The following RELN variants were observed in gnomAD, a reference collection of about 807,000 sequenced individuals.
RELN encodes reelin.
A neutral mutation model predicts 427.6 loss-of-function variants in RELN; 108 were observed. The observed-to-expected ratio is 0.25, with a 90% CI of 0.22 to 0.30. The LOEUF is 0.30. RELN is among the 10% of genes least tolerant of loss of function. The pLI is 1.00. For synonymous variants in RELN, 1,524 were observed against 1,513.4 expected (o/e 1.01, Z -0.16); for missense variants, 3,715 against 4,302.8 (o/e 0.86, Z 3.82).
chr7:103,721,898 GT>G (rs934355751), intron 8 of RELN, among the ~76,000 whole-genome samples: 1 of 152,086 alleles, frequency 6.6e-6, no homozygotes, highest in African/African-American at 2.4e-5. Flanking sequence ...AAAAAAATTT[GT>G]TTTTGTAGCA....
intron 4 of RELN, among the ~76,000 whole-genome samples, chr7:103,760,433 C>T (rs1439961170): frequency 7.2e-5 from 11 of 152,064 alleles, no homozygotes; most frequent in Admixed American, 4.6e-4. Flanking sequence ...TTTCAACTGA[C>T]TTATTTTGGA....
intron 1 of RELN, among the ~76,000 whole-genome samples, chr7:103,952,692 C>T (rs1190327556): frequency 2.0e-5 from 3 of 151,964 alleles, no homozygotes; most frequent in Non-Finnish European, 2.9e-5. Context: ...AATATCTTTC[C>T]CATGTAAAGC....
chr7:103,557,010 T>C lies in RELN; in HGVS notation c.5764A>G (p.Thr1922Ala), dbSNP rs746083184. 6.8e-6 allele frequency: 11 copies of C among 1,613,666 alleles called. No individual in the cohort carries two copies. The highest frequency in any genetic ancestry group is 2.5e-6 in the Non-Finnish European group (3 of 1,179,664). The change falls in exon 38 of 65, where the codon ACA (threonine) becomes GCA (alanine). Residue 1922 changes from threonine (T) to alanine (A), a missense_variant. Coordinates refer to ENST00000428762, the MANE Select transcript of RELN (RefSeq NM_005045.4). The part of the protein sequence containing the change: ...PLPYTAQTNA[T>A]RFRLWQPYNN... ...TAAGGTTGCCAGAGTCTGAATCTTG[T>C]AGCATTGGTTTGGGCAGTGTATGGC...
intron 2 of RELN, among the ~76,000 whole-genome samples, chr7:103,916,203 T>C (rs10231405): frequency 0.25 from 38,408 of 152,040 alleles, 5,940 homozygotes; most frequent in African/African-American, 0.43. Context: ...TGCTGGGACT[T>C]GACACTTCAT....
intron 8 of RELN, among the ~76,000 whole-genome samples, chr7:103,707,727 G>C (rs1834236763): frequency 6.6e-6 from 1 of 152,056 alleles, no homozygotes; most frequent in African/African-American, 2.4e-5. Flanking sequence ...TCGATCTCTT[G>C]ACCTTGTGTT....
intron 47 of RELN, 86 bp downstream of exon 47, chr7:103,523,305 T>C: frequency 6.8e-7 from 1 of 1,472,152 alleles, no homozygotes; most frequent in South Asian, 1.1e-5. Flanking sequence ...AGCATGGGAG[T>C]GATTCAAAAA....
In RELN at chr7:103,676,023, C is replaced by A. The variant is rs559604834; in HGVS notation, c.1289+6093G>T. On this transcript the variant is annotated intron_variant, in intron 11 of 64. Transcript: ENST00000428762. ...ACACCAAAAGCAATGGCAACAAAAG[C>A]CAAAATTGACAAATGGGATCTAATT... 1.8e-4 allele frequency among the ~76,000 whole-genome samples: 28 copies of A among 152,096 alleles called. No homozygotes were observed. The South Asian group carries it at 5.4e-3, about 29-fold the overall frequency.
chr7:103,523,279 A>T (rs1829750544), intron 47 of RELN, 112 bp downstream of exon 47: 1 of 1,219,704 alleles, frequency 8.2e-7, no homozygotes, highest in Non-Finnish European at 1.2e-6. Context: ...TCAGAAAAAA[A>T]TGTATAACTT....
At chr7:103,595,487 A>G (rs1414949938) in intron 25 of RELN, among the ~76,000 whole-genome samples, 2 of 152,196 alleles carry the variant, frequency 1.3e-5, no homozygotes, top group African/African-American at 4.8e-5. Flanking sequence ...GTCACCTTTA[A>G]ATGACCTAAT....
rs565174296 is a variant in RELN at position 103,724,842 on chromosome 7, T to C, written c.754-1651A>G. Among the ~76,000 whole-genome samples, 19 of 151,890 alleles carry C rather than the reference T, an allele frequency of 1.3e-4. 1 individual carries two copies. Among genetic ancestry groups the C allele is most frequent in the African/African-American group, 4.6e-4 (19 of 41,460 alleles). Reference sequence around the variant, plus strand: ...AAAAAAAGAAGCACTGCCTATGAAATCTATTCTGAGATCTATTCACCTATA... The same window carrying C: ...AAAAAAAGAAGCACTGCCTATGAAACCTATTCTGAGATCTATTCACCTATA... On this transcript the variant is annotated intron_variant, in intron 7 of 64. Transcript: ENST00000428762.
intron 1 of RELN, among the ~76,000 whole-genome samples, chr7:103,943,865 A>AC (rs1160315724): frequency 2.0e-5 from 3 of 151,572 alleles, no homozygotes; most frequent in Non-Finnish European, 4.4e-5. Flanking sequence ...AAAAAAAAAA[A>AC]AAAAGAATTG....
Position 103,541,923 on chromosome 7 carries a change from G to A in RELN, c.6671+808C>T, listed in dbSNP as rs557736690. On this transcript the variant is annotated intron_variant, in intron 43 of 64. Coordinates refer to ENST00000428762, the MANE Select transcript of RELN (RefSeq NM_005045.4). ...ATCAAATTTATGATCAATAAATGAA[G>A]TATTTGGGAAAAAGAAGGGGTAAAA... Among the ~76,000 whole-genome samples the A allele has an allele frequency of 2.0e-5, 3 of 152,266 alleles. No homozygotes were observed. The East Asian group carries it at 5.8e-4, about 29-fold the overall frequency.
intron 64 of RELN, among the ~76,000 whole-genome samples, chr7:103,476,112 A>C (rs970852062): frequency 1.3e-5 from 2 of 152,126 alleles, no homozygotes; most frequent in African/African-American, 4.8e-5. Context: ...GATTCCTGAG[A>C]ATGTTGATAT....
At chr7:103,909,456 A>C (rs979974114) in intron 2 of RELN, among the ~76,000 whole-genome samples, 9 of 150,778 alleles carry the variant, frequency 6.0e-5, no homozygotes, top group Non-Finnish European at 1.0e-4. Context: ...TATAAGATTT[A>C]CTAAAGTTTG....
chr7:103,523,009 A>T lies in RELN; in HGVS notation c.7490+382T>A, dbSNP rs1829745333. 4.6e-5 allele frequency among the ~76,000 whole-genome samples: 7 copies of T among 152,236 alleles called. No homozygotes were observed. In the South Asian group the frequency reaches 1.4e-3, roughly 31 times the overall value. ...ATATAAATTAAACAATGACAAGTGC[A>T]TATCCTTACATATATTCAGACCTAA... On this transcript the variant is annotated intron_variant, in intron 47 of 64. Coordinates refer to ENST00000428762, the MANE Select transcript of RELN (RefSeq NM_005045.4).
At chr7:103,883,367 C>T (rs184999582) in intron 2 of RELN, among the ~76,000 whole-genome samples, 41 of 152,218 alleles carry the variant, frequency 2.7e-4, no homozygotes, top group Middle Eastern at 3.4e-3. Context: ...CTTTGAAAAC[C>T]GGCGCAAGAC....
intron 16 of RELN, among the ~76,000 whole-genome samples, chr7:103,645,818 C>T (rs1228186471): frequency 1.3e-5 from 2 of 151,884 alleles, no homozygotes; most frequent in Non-Finnish European, 2.9e-5. Flanking sequence ...TACCAAACAA[C>T]CACAGAATAT....
At chr7:103,713,407 A>G (rs1163982127) in intron 8 of RELN, among the ~76,000 whole-genome samples, 2 of 152,214 alleles carry the variant, frequency 1.3e-5, no homozygotes, top group Non-Finnish European at 2.9e-5. Context: ...TCTTTTCTAG[A>G]TAGATTAATG....
Position 103,989,048 on chromosome 7 carries a change from C to T in RELN, c.226+83G>A, listed in dbSNP as rs1797163139. ...TGTCATGGTTCTTGTTTCCAAGGCC[C>T]CTTGGAAGAAGGAAAGGGATGAGAA... On this transcript the variant is annotated intron_variant, in intron 1 of 64. Coordinates refer to ENST00000428762, the MANE Select transcript of RELN (RefSeq NM_005045.4). This position sits in a 1 kb window ranked among gnomAD's most constrained non-coding sequence, Gnocchi z 4.9. The T allele has an allele frequency of 1.6e-6, 2 of 1,263,342 alleles. No homozygotes were observed. The allele number at this position is 1,263,342 out of a possible 1,614,324, so 78.3% of individuals were successfully genotyped here.
Sources: gnomAD v4.1 joint callset for allele counts (sites outside exome capture counted in the v4.1 genomes callset) on GRCh38, gnomAD v4.1.1 for gene constraint, Gnocchi (gnomAD v3.1) non-coding constraint, MANE v1.5 for transcripts, NCBI Gene and HGNC (gene_info 2026-07-23, HGNC 2026-07-21) for gene names.